Variants in ADARB2 observed in about 807,000 individuals in gnomAD.
ADARB2 encodes the protein inactive double-stranded RNA-specific editase B2.
In ADARB2, 25 loss-of-function variants were observed where a neutral mutation model predicts 62.2. The observed-to-expected ratio is 0.40, with a 90% CI of 0.29 to 0.56. The LOEUF is 0.56. Ranked by LOEUF, ADARB2 falls within the 20% of genes least tolerant of loss-of-function variation. ADARB2 has a pLI of 0.43. For missense variants in ADARB2, 1,071 were observed against 1,077.4 expected, an observed-to-expected ratio of 0.99 and a Z score of 0.08; for synonymous variants, 572 against 500.8, an observed-to-expected ratio of 1.14 and a Z score of -1.90.
intron 1 of ADARB2, among the ~76,000 whole-genome samples, chr10:1,400,355 C>T (rs897716014): frequency 1.3e-5 from 2 of 152,196 alleles, no homozygotes; most frequent in African/African-American, 4.8e-5. Flanking sequence ...GACTCTGTGT[C>T]ACAACTTCCT....
intron 1 of ADARB2, among the ~76,000 whole-genome samples, chr10:1,408,263 C>CA (rs1174222756): frequency 1.3e-5 from 2 of 152,154 alleles, no homozygotes; most frequent in African/African-American, 4.8e-5. Context: ...GTCTACATAA[C>CA]ACATTCCAAT....
At chr10:1,649,598 T>C (rs1834085910) in intron 1 of ADARB2, among the ~76,000 whole-genome samples, 1 of 152,238 alleles carries the variant, frequency 6.6e-6, no homozygotes, top group Non-Finnish European at 1.5e-5. Flanking sequence ...TTCTAATTGG[T>C]TGATTGCTTT....
chr10:1,417,069 G>A (rs768289433), intron 1 of ADARB2, among the ~76,000 whole-genome samples: 2 of 152,206 alleles, frequency 1.3e-5, no homozygotes, highest in Non-Finnish European at 2.9e-5. Flanking sequence ...GCCAGAAAGT[G>A]TGGGATATAA....
chr10:1,408,180 C>T (rs995208727), intron 1 of ADARB2, among the ~76,000 whole-genome samples: 11 of 152,180 alleles, frequency 7.2e-5, no homozygotes, highest in Middle Eastern at 3.4e-3. Flanking sequence ...TTTGGCAATC[C>T]CCTTTCCCAT....
intron 7 of ADARB2, among the ~76,000 whole-genome samples, chr10:1,214,180 C>T (rs1837199999): frequency 6.6e-6 from 1 of 151,232 alleles, no homozygotes; most frequent in Non-Finnish European, 1.5e-5. Context: ...TGTGCCCGGA[C>T]CTGCTGGCGT....
intron 5 of ADARB2, among the ~76,000 whole-genome samples, chr10:1,239,580 C>G (rs1554747022): frequency 1.2e-3 from 7 of 5,660 alleles, no homozygotes; most frequent in Non-Finnish European, 1.8e-3. Context: ...ACTCCCCCCT[C>G]CCTCCCGGTG....
intron 1 of ADARB2, among the ~76,000 whole-genome samples, chr10:1,492,168 C>T (rs1831630154): frequency 6.6e-6 from 1 of 152,072 alleles, no homozygotes; most frequent in African/African-American, 2.4e-5. Flanking sequence ...CAATAAGCGC[C>T]ACACAGAGAA....
chr10:1,726,850 C>T (rs1452256378), intron 1 of ADARB2, among the ~76,000 whole-genome samples: 1 of 151,996 alleles, frequency 6.6e-6, no homozygotes, highest in African/African-American at 2.4e-5. Flanking sequence ...CAGGGGCTCA[C>T]GCTGGAAGCA....
intron 1 of ADARB2, among the ~76,000 whole-genome samples, chr10:1,415,706 A>C (rs775303946): frequency 2.6e-5 from 4 of 152,382 alleles, no homozygotes; most frequent in Non-Finnish European, 5.9e-5. Context: ...AAAATTAAAA[A>C]TAATTTAATT....
At chr10:1,732,620 C>A (rs1472210953) in intron 1 of ADARB2, among the ~76,000 whole-genome samples, 1 of 152,176 alleles carries the variant, frequency 6.6e-6, no homozygotes, top group African/African-American at 2.4e-5. Flanking sequence ...ATCAGTAAAT[C>A]CAGCCCTTCC....
At position 1,180,415 on chromosome 10, in the gene ADARB2, G is replaced by A. The variant is rs1983025; in HGVS notation, c.*2778C>T. 83,907 of 143,650 alleles carry A rather than the reference G, an allele frequency of 0.58. 26,371 individuals are homozygous for A. Among genetic ancestry groups the A allele is most frequent in the Middle Eastern group, 0.77 (208 of 270 alleles). The allele number at this position is 143,650 out of a possible 1,614,324, so 8.9% of individuals were successfully genotyped here. On this transcript the variant is annotated 3_prime_UTR_variant, in exon 10 of 10. Transcript: ENST00000381312. Reference sequence around the variant, plus strand: ...ATAGCTGGGGCTGTGGGAATCCTGGGACCCGGGTCTTCCAGGCACACCTGG... The same window carrying A: ...ATAGCTGGGGCTGTGGGAATCCTGGAACCCGGGTCTTCCAGGCACACCTGG...
intron 1 of ADARB2, among the ~76,000 whole-genome samples, chr10:1,510,769 C>A (rs2676197): frequency 6.6e-6 from 1 of 152,160 alleles, no homozygotes; most frequent in Non-Finnish European, 1.5e-5. Flanking sequence ...GAATCTAGCC[C>A]AAAGCCAGGC....
chr10:1,563,189 G>C (rs1227559378), intron 1 of ADARB2, among the ~76,000 whole-genome samples: 1 of 151,994 alleles, frequency 6.6e-6, no homozygotes, highest in African/African-American at 2.4e-5. Flanking sequence ...GGGTGAGAAC[G>C]TGGTCCCTCT....
intron 1 of ADARB2, among the ~76,000 whole-genome samples, chr10:1,598,893 G>A (rs1264378598): frequency 1.3e-5 from 2 of 152,176 alleles, no homozygotes; most frequent in Admixed American, 6.5e-5. Context: ...CCCAGGGGAG[G>A]GAGCGGATGC....
chr10:1,200,935 A>T (rs1340840552), intron 7 of ADARB2, among the ~76,000 whole-genome samples: 1 of 152,222 alleles, frequency 6.6e-6, no homozygotes, highest in Non-Finnish European at 1.5e-5. Flanking sequence ...TGTTAGAGCA[A>T]TTACTGCCAT....
chr10:1,256,718 A>G (rs1719923177), intron 4 of ADARB2, among the ~76,000 whole-genome samples: 1 of 152,228 alleles, frequency 6.6e-6, no homozygotes, highest in African/African-American at 2.4e-5. Context: ...TTTAGTAAAT[A>G]TATTTAATGC....
At chr10:1,668,015 T>C (rs1324797356) in intron 1 of ADARB2, among the ~76,000 whole-genome samples, 1 of 152,190 alleles carries the variant, frequency 6.6e-6, no homozygotes, top group Non-Finnish European at 1.5e-5. Flanking sequence ...TAAAGGCTGG[T>C]TGGGTCCTGT....
chr10:1,448,554 C>A (rs1830998621), intron 1 of ADARB2, among the ~76,000 whole-genome samples: 1 of 152,206 alleles, frequency 6.6e-6, no homozygotes, highest in South Asian at 2.1e-4. Context: ...CTCTCAGGTG[C>A]TTTCTTATGA....
chr10:1,212,523 G>A (rs1003977696), intron 7 of ADARB2, among the ~76,000 whole-genome samples: 10 of 152,168 alleles, frequency 6.6e-5, no homozygotes, highest in African/African-American at 2.2e-4. Context: ...TGTCATTGTC[G>A]GGACCATGGC....
Sources: gnomAD v4.1 joint callset for allele counts (sites outside exome capture counted in the v4.1 genomes callset) on GRCh38, gnomAD v4.1.1 for gene constraint, MANE v1.5 for transcripts, NCBI Gene and HGNC (gene_info 2026-07-23, HGNC 2026-07-21) for gene names.